The following GALK2 variants were observed in gnomAD, a reference collection of about 807,000 sequenced individuals.
GALK2 encodes the protein N-acetylgalactosamine kinase.
GALK2 carries 36 observed loss-of-function variants against 52.4 expected under a neutral mutation model. That is an observed-to-expected ratio of 0.69 (90% CI 0.53 to 0.91). The LOEUF (loss-of-function observed/expected upper bound fraction) is 0.91. Ranked by LOEUF, GALK2 falls within the 40% of genes least tolerant of loss-of-function variation. The probability of loss-of-function intolerance (pLI) is 0.00; values close to 1 mark genes in which losing one functional copy is unlikely to be tolerated. For missense variants in GALK2, 579 were observed against 559.1 expected (o/e 1.04, Z -0.36); for synonymous variants, 176 against 199.1 (o/e 0.88, Z 0.98).
intron 1 of GALK2, among the ~76,000 whole-genome samples, chr15:49,186,542 C>CTTTT (rs71299506): frequency 3.8e-5 from 5 of 131,098 alleles, no homozygotes; most frequent in African/African-American, 5.8e-5. Flanking sequence ...GAATTTTTTT[C>CTTTT]TTTTTTTTTT....
In GALK2 at chr15:49,328,696, T is replaced by G. The variant is rs761403515; in HGVS notation, c.*537T>G. The G allele has an allele frequency of 1.3e-6, 2 of 1,549,462 alleles. No individual in the cohort carries two copies. Among genetic ancestry groups the G allele is most frequent in the Admixed American group, 2.0e-5 (1 of 50,900 alleles). ...GAACGCTATGAAAATAATACATGATTAAAGTTTCACAGATCTTCTTGGACA... is the reference window on the plus strand; with the variant it reads ...GAACGCTATGAAAATAATACATGATGAAAGTTTCACAGATCTTCTTGGACA... On this transcript the variant is annotated 3_prime_UTR_variant, in exon 10 of 10. Transcript: ENST00000560031.
Position 49,292,341 on chromosome 15 carries a change from C to T in GALK2, c.771C>T (p.Tyr257=). 2.5e-6 allele frequency: 4 copies of T among 1,613,892 alleles called. No individual in the cohort carries two copies. Among genetic ancestry groups the T allele is most frequent in the Non-Finnish European group, 3.4e-6 (4 of 1,179,898 alleles). The change falls in exon 8 of 10, where the codon TAC becomes TAT. Residue 257 remains tyrosine (Y), a synonymous_variant. Coordinates refer to ENST00000560031, the MANE Select transcript of GALK2 (RefSeq NM_002044.4). ...TGAATTTGCAGCTCCTGGCTAAATACAAAAGCTTGCAATGGGACAAAGTAC... is the reference window on the plus strand; with the variant it reads ...TGAATTTGCAGCTCCTGGCTAAATATAAAAGCTTGCAATGGGACAAAGTAC... The part of the protein sequence containing the change: ...CRLAAKLLAK[Y]KSLQWDKVLR...
At chr15:49,224,620 G>A (rs1284095546) in intron 3 of GALK2, among the ~76,000 whole-genome samples, 1 of 152,126 alleles carries the variant, frequency 6.6e-6, no homozygotes, top group African/African-American at 2.4e-5. Context: ...TGACTTTGTG[G>A]AAGATCAGAT....
intron 5 of GALK2, among the ~76,000 whole-genome samples, chr15:49,272,506 A>T (rs1004110324): frequency 6.6e-6 from 1 of 152,194 alleles, no homozygotes; most frequent in African/African-American, 2.4e-5. Context: ...GAGATTGTGC[A>T]CGTTTAACCA....
At chr15:49,258,663 A>G (rs563867320) in intron 5 of GALK2, among the ~76,000 whole-genome samples, 2 of 152,068 alleles carry the variant, frequency 1.3e-5, no homozygotes, top group African/African-American at 4.8e-5. Context: ...TCCCCAGAGG[A>G]GTTGCTCCTT....
chr15:49,261,244 G>C (rs2092095178), intron 5 of GALK2, among the ~76,000 whole-genome samples: 1 of 148,110 alleles, frequency 6.8e-6, no homozygotes, highest in Non-Finnish European at 1.5e-5. Context: ...TTATTTCCTT[G>C]AGCAGTGGTT....
intron 5 of GALK2, among the ~76,000 whole-genome samples, chr15:49,265,718 C>T (rs1415463192): frequency 6.6e-6 from 1 of 152,338 alleles, no homozygotes; most frequent in East Asian, 1.9e-4. Context: ...ATCTTTGCTC[C>T]TGCCCCAGTA....
chr15:49,222,302 G>A (rs564825653), intron 3 of GALK2, among the ~76,000 whole-genome samples: 18 of 152,004 alleles, frequency 1.2e-4, no homozygotes, highest in Admixed American at 2.6e-4. Flanking sequence ...TTTTTTTAGA[G>A]TCTAGGTTTT....
intron 8 of GALK2, among the ~76,000 whole-genome samples, chr15:49,310,431 T>G (rs2035894570): frequency 6.6e-6 from 1 of 152,188 alleles, no homozygotes; most frequent in African/African-American, 2.4e-5. Context: ...CATATGGTAG[T>G]TCTATTTTTA....
intron 8 of GALK2, among the ~76,000 whole-genome samples, chr15:49,303,641 A>G (rs1224474579): frequency 6.6e-6 from 1 of 152,164 alleles, no homozygotes; most frequent in Non-Finnish European, 1.5e-5. Flanking sequence ...TGACCCTGCC[A>G]ACTATCTTCT....
intron 8 of GALK2, among the ~76,000 whole-genome samples, chr15:49,308,627 G>T (rs932304920): frequency 6.6e-6 from 1 of 152,114 alleles, no homozygotes; most frequent in South Asian, 2.1e-4. Flanking sequence ...ATGAGGCTAC[G>T]TGGAGAAACT....
chr15:49,367,386 G>T, intron 3 of GALK2: 1 of 1,358,488 alleles, frequency 7.4e-7, no homozygotes. Context: ...GACATTCAGT[G>T]AAATGTTTTG....
At chr15:49,183,864 G>A (rs1017903470) in intron 1 of GALK2, among the ~76,000 whole-genome samples, 10 of 148,876 alleles carry the variant, frequency 6.7e-5, no homozygotes, top group Non-Finnish European at 9.0e-5. Flanking sequence ...AAAAAAAAAA[G>A]GACTAGTTTT....
chr15:49,297,787 T>C (rs920194594), intron 8 of GALK2, among the ~76,000 whole-genome samples: 3 of 152,196 alleles, frequency 2.0e-5, no homozygotes, highest in Admixed American at 6.5e-5. Context: ...CATCAGTCTA[T>C]GTGTCTGTTG....
At chr15:49,208,053 G>T (rs141061097) in intron 2 of GALK2, among the ~76,000 whole-genome samples, 1 of 150,800 alleles carries the variant, frequency 6.6e-6, no homozygotes, top group African/African-American at 2.5e-5. Flanking sequence ...GATTACAGGC[G>T]TGAGTCACTG....
chr15:49,276,847 G>A (rs999436978), intron 5 of GALK2, among the ~76,000 whole-genome samples: 1 of 145,692 alleles, frequency 6.9e-6, no homozygotes, highest in Non-Finnish European at 1.5e-5. Context: ...ATTTCTGTGG[G>A]CCTAATTTTT....
In GALK2 at chr15:49,308,726, A is replaced by C. The variant is rs118118853; in HGVS notation, c.968-10878A>C. ...AGAACTGCATTCAGGCCTGGGAACCACCCTTCAAGAAGGGCATACACAGAC... is the reference window on the plus strand; with the variant it reads ...AGAACTGCATTCAGGCCTGGGAACCCCCCTTCAAGAAGGGCATACACAGAC... On this transcript the variant is annotated intron_variant, in intron 8 of 9. Transcript: ENST00000560031. Among the ~76,000 whole-genome samples the C allele has an allele frequency of 7.8e-3, 1,194 of 152,296 alleles. 41 individuals carry two copies. The highest frequency in any genetic ancestry group is 0.077 in the South Asian group (370 of 4,816).
At chr15:49,297,200 A>T (rs1234173032) in intron 8 of GALK2, among the ~76,000 whole-genome samples, 1 of 151,946 alleles carries the variant, frequency 6.6e-6, no homozygotes, top group African/African-American at 2.4e-5. Context: ...AGCATTTTTT[A>T]TATGCTTGTT....
At chr15:49,295,927 A>G (rs1308391733) in intron 8 of GALK2, among the ~76,000 whole-genome samples, 1 of 151,790 alleles carries the variant, frequency 6.6e-6, no homozygotes, top group Non-Finnish European at 1.5e-5. Context: ...TTTTTTTTGA[A>G]TAAGTAAATT....
Sources: gnomAD v4.1 joint callset for allele counts (sites outside exome capture counted in the v4.1 genomes callset) on GRCh38, gnomAD v4.1.1 for gene constraint, MANE v1.5 for transcripts, NCBI Gene and HGNC (gene_info 2026-07-23, HGNC 2026-07-21) for gene names.